EPB41L5: variants seen among roughly 807,000 people sequenced by gnomAD.
EPB41L5 encodes erythrocyte membrane protein band 4.1 like 5.
EPB41L5 carries 55 observed loss-of-function variants against 106.6 expected under a neutral mutation model. The observed-to-expected ratio is 0.52, with a 90% CI of 0.42 to 0.65. The LOEUF (loss-of-function observed/expected upper bound fraction) is 0.65, where lower values mean the gene tolerates loss of function less well. EPB41L5 is among the 30% of genes least tolerant of loss of function. The pLI, the probability that EPB41L5 is intolerant of heterozygous loss-of-function variation, is 0.00. For missense variants in EPB41L5, 871 were observed against 882.1 expected (o/e 0.99, Z 0.16); for synonymous variants, 297 against 306.7 (o/e 0.97, Z 0.33).
intron 13 of EPB41L5, among the ~76,000 whole-genome samples, chr2:120,091,920 T>A (rs894741689): frequency 1.3e-5 from 2 of 152,208 alleles, no homozygotes; most frequent in African/African-American, 4.8e-5. Context: ...CAAAACTGTT[T>A]CTGTAGAGCA....
chr2:120,014,495 GATA>G (rs1677376205), intron 1 of EPB41L5, among the ~76,000 whole-genome samples: 1 of 152,104 alleles, frequency 6.6e-6, no homozygotes, highest in Admixed American at 6.5e-5. Context: ...CAGTAAAAAA[GATA>G]ATAATTAACA....
intron 20 of EPB41L5, among the ~76,000 whole-genome samples, chr2:120,148,493 CTT>C (rs1262119051): frequency 6.6e-6 from 1 of 152,110 alleles, no homozygotes; most frequent in Non-Finnish European, 1.5e-5. Flanking sequence ...TCTGCAAACA[CTT>C]TACCCATTAG....
At position 120,159,297 on chromosome 2, in the gene EPB41L5, C is replaced by A. The variant is rs552358665; in HGVS notation, c.1794-1584C>A. ...AAACAGCCGGGTGTGGTGGCAGGTG[C>A]CTGTAATCCCAGCTACTCGGGAGGC... On this transcript the variant is annotated intron_variant, in intron 20 of 24. Coordinates refer to ENST00000263713, the MANE Select transcript of EPB41L5 (RefSeq NM_020909.4). Among the ~76,000 whole-genome samples, 12 of 150,604 alleles carry A rather than the reference C, an allele frequency of 8.0e-5. No homozygotes were observed. The East Asian group carries it at 1.4e-3, about 17-fold the overall frequency.
At chr2:120,124,109 G>A (rs774155161) in intron 16 of EPB41L5, among the ~76,000 whole-genome samples, 6 of 152,104 alleles carry the variant, frequency 3.9e-5, no homozygotes, top group Admixed American at 6.6e-5. Flanking sequence ...TTGCTCTTTC[G>A]TGCTTCTCAT....
intron 10 of EPB41L5, among the ~76,000 whole-genome samples, chr2:120,079,632 C>G (rs762196803): frequency 3.3e-5 from 5 of 152,146 alleles, no homozygotes; most frequent in African/African-American, 1.2e-4. Context: ...TTGATCAGCT[C>G]GGAAGTCCTG....
chr2:120,085,259 A>T lies in EPB41L5; in HGVS notation c.804-1912A>T, dbSNP rs918891246. ...TTTCCCCGTCTTTGTGGTTTTATCT[A>T]CCTTTGGTCTTTGATGATGGTGATG... On this transcript the variant is annotated intron_variant, in intron 10 of 24. Coordinates refer to ENST00000263713, the MANE Select transcript of EPB41L5 (RefSeq NM_020909.4). Among the ~76,000 whole-genome samples, 10 of 151,976 alleles carry T rather than the reference A, an allele frequency of 6.6e-5. No individual in the cohort carries two copies. The East Asian group carries it at 1.9e-3, about 29-fold the overall frequency.
chr2:120,138,753 C>T (rs1471097104), intron 18 of EPB41L5, among the ~76,000 whole-genome samples: 1 of 151,990 alleles, frequency 6.6e-6, no homozygotes, highest in Non-Finnish European at 1.5e-5. Context: ...AATGTCCATA[C>T]TTCCCAAAGC....
intron 2 of EPB41L5, among the ~76,000 whole-genome samples, chr2:120,033,557 A>C (rs1678851319): frequency 1.3e-5 from 2 of 151,850 alleles, no homozygotes; most frequent in Non-Finnish European, 2.9e-5. Context: ...AAAATACAAA[A>C]TTAGCCGGGC....
chr2:120,148,592 T>C (rs966050079), intron 20 of EPB41L5, among the ~76,000 whole-genome samples: 6 of 152,172 alleles, frequency 3.9e-5, no homozygotes, highest in African/African-American at 1.2e-4. Context: ...CTGGACAGTT[T>C]ATGTCAATGG....
At chr2:120,064,653 A>G (rs1681321278) in intron 3 of EPB41L5, among the ~76,000 whole-genome samples, 1 of 152,230 alleles carries the variant, frequency 6.6e-6, no homozygotes, top group South Asian at 2.1e-4. Flanking sequence ...ATCTTTATCA[A>G]TTAAACTTTA....
chr2:120,173,090 G>A (rs1317488386), intron 24 of EPB41L5, among the ~76,000 whole-genome samples: 1 of 152,058 alleles, frequency 6.6e-6, no homozygotes, highest in Non-Finnish European at 1.5e-5. Context: ...AACCCACTAA[G>A]CCATCACGAC....
intron 3 of EPB41L5, among the ~76,000 whole-genome samples, chr2:120,049,601 G>A (rs1394607744): frequency 2.0e-5 from 3 of 151,940 alleles, no homozygotes; most frequent in Non-Finnish European, 4.4e-5. Context: ...TACACTGGGG[G>A]GTCTTGACTC....
intron 2 of EPB41L5, among the ~76,000 whole-genome samples, chr2:120,031,209 C>A (rs1020848896): frequency 6.6e-6 from 1 of 152,222 alleles, no homozygotes; most frequent in Non-Finnish European, 1.5e-5. Context: ...TCCCCTAATG[C>A]TCAGGCTGAT....
Position 120,075,863 on chromosome 2 carries a change from T to C in EPB41L5, c.505+110T>C. On this transcript the variant is annotated intron_variant, in intron 7 of 24. Coordinates refer to ENST00000263713, the MANE Select transcript of EPB41L5 (RefSeq NM_020909.4). Reference sequence around the variant, plus strand: ...GCAAGAAAAGAAACAACACTGTTTTTGTATAAACTTGTATCAGGGTCCAAC... The same window carrying C: ...GCAAGAAAAGAAACAACACTGTTTTCGTATAAACTTGTATCAGGGTCCAAC... 4.7e-6 allele frequency: 4 copies of C among 842,862 alleles called. No individual in the cohort carries two copies. In the Admixed American group the frequency reaches 6.0e-5, roughly 13 times the overall value. 52.2% of individuals were successfully genotyped at this position (842,862 alleles called of 1,614,324 possible).
chr2:120,083,953 G>T (rs1665066), intron 10 of EPB41L5, among the ~76,000 whole-genome samples: 37,397 of 151,822 alleles, frequency 0.25, 4,877 homozygotes, highest in South Asian at 0.35. Context: ...CATTTGCTTG[G>T]TAGATCTTCC....
At chr2:120,127,439 T>C (rs181210139) in intron 16 of EPB41L5, among the ~76,000 whole-genome samples, 5 of 152,220 alleles carry the variant, frequency 3.3e-5, no homozygotes, top group African/African-American at 1.2e-4. Flanking sequence ...GTAACCTACA[T>C]GCATCTTCCC....
rs563762773 is a variant in EPB41L5, at chr2:120,146,373, T to C, written c.1793+84T>C. On this transcript the variant is annotated intron_variant, in intron 20 of 24. Coordinates refer to ENST00000263713, the MANE Select transcript of EPB41L5 (RefSeq NM_020909.4). ...TCTTCTCAGTCTGTCACCACATGGT[T>C]TCAGGATGTCTGTCTGAAAGATAGC... is the stretch of plus-strand genomic sequence containing the variant. 112 of 977,146 alleles carry C rather than the reference T, an allele frequency of 1.1e-4. 3 individuals carry two copies. In the South Asian group the frequency reaches 1.5e-3, roughly 13 times the overall value. The allele number at this position is 977,146 out of a possible 1,614,324, so 60.5% of individuals were successfully genotyped here.
intron 3 of EPB41L5, among the ~76,000 whole-genome samples, chr2:120,053,509 C>T (rs2105256414): frequency 6.6e-6 from 1 of 152,298 alleles, no homozygotes; most frequent in South Asian, 2.1e-4. Context: ...CCATTTACCC[C>T]TCCCCACAGC....
intron 11 of EPB41L5, among the ~76,000 whole-genome samples, chr2:120,088,037 A>G (rs1683181784): frequency 6.6e-6 from 1 of 151,882 alleles, no homozygotes; most frequent in African/African-American, 2.4e-5. Context: ...AAATTTTAAC[A>G]TATGCATACA....
Sources: allele counts gnomAD v4.1 joint callset (sites outside exome capture counted in the v4.1 genomes callset), GRCh38; gene constraint gnomAD v4.1.1; transcripts MANE v1.5; gene names NCBI Gene and HGNC (gene_info 2026-07-23, HGNC 2026-07-21).